Variants in SRSF5 observed in about 807,000 individuals in gnomAD.
SRSF5 encodes the protein serine and arginine rich splicing factor 5, also known as serine/arginine-rich splicing factor 5.
Under a neutral mutation model 34.0 loss-of-function variants are expected in SRSF5, and 5 were observed. The ratio of observed to expected loss-of-function variants is 0.15; its 90% CI spans 0.08 to 0.31. The LOEUF (loss-of-function observed/expected upper bound fraction) is 0.31, where lower values mean the gene tolerates loss of function less well. SRSF5 is among the 10% of genes least tolerant of loss of function. The pLI is 1.00. For synonymous variants in SRSF5, 164 were observed against 117.7 expected (o/e 1.39, Z -2.55); for missense variants, 223 against 351.4 (o/e 0.63, Z 2.92).
rs181963146 is a variant in SRSF5 at position 69,768,599 on chromosome 14, T to C, written c.127-5T>C. On this transcript the variant is annotated splice_polypyrimidine_tract_variant and splice_region_variant and intron_variant, in intron 2 of 7. Transcript: ENST00000557154. ...AATGTTAAGAGTCTTATGCTTACATTTTAGGAATTTGAGGATCCAAGGGAT... is the reference window on the plus strand; with the variant it reads ...AATGTTAAGAGTCTTATGCTTACATCTTAGGAATTTGAGGATCCAAGGGAT... 6.2e-7 allele frequency: 1 copy of C among 1,613,918 alleles called. No homozygotes were observed. The highest frequency in any genetic ancestry group is 1.3e-5 in the African/African-American group (1 of 74,930).
chr14:69,769,794 A>C, intron 5 of SRSF5: 1 of 1,352,436 alleles, frequency 7.4e-7, no homozygotes, highest in Non-Finnish European at 9.5e-7. Context: ...AAAGAGTTGA[A>C]AGATACGAAA....
intron 4 of SRSF5, 100 bp downstream of exon 4, chr14:69,768,996 A>G (rs910174139): frequency 2.2e-6 from 3 of 1,362,968 alleles, no homozygotes; most frequent in Non-Finnish European, 3.1e-6. Context: ...CTGCCGTATA[A>G]TCTGTTCTTC....
chr14:69,767,594 A>AC (rs1020969777), intron 1 of SRSF5: 8 of 454,044 alleles, frequency 1.8e-5, no homozygotes, highest in African/African-American at 1.4e-4. Context: ...GGCCGCAGTG[A>AC]CCCCCGAGAA....
In SRSF5 at chr14:69,771,598, C is replaced by CT; in HGVS notation, c.*138dup. On this transcript the variant is annotated 3_prime_UTR_variant, in exon 8 of 8. Coordinates refer to ENST00000557154, the MANE Select transcript of SRSF5 (RefSeq NM_001320214.2). ...GATTTGGAAGGGGGGTTGGGTTGGG[C>CT]TGGATATCTTTGTAGATGTGGACCA... 4 of 989,656 alleles carry CT rather than the reference C, an allele frequency of 4.0e-6. No individual in the cohort carries two copies. The East Asian group carries it at 1.1e-4, about 27-fold the overall frequency. The allele number at this position is 989,656 out of a possible 1,614,324, so 61.3% of individuals were successfully genotyped here. A position where few individuals can be genotyped will look rare whatever the true frequency, so the allele number is the denominator to read the frequency against.
Position 69,770,485 on chromosome 14 carries a change from A to C in SRSF5, c.385A>C (p.Arg129=), listed in dbSNP as rs750997505. 1.9e-6 allele frequency: 3 copies of C among 1,614,102 alleles called. No individual in the cohort carries two copies. Among genetic ancestry groups the C allele is most frequent in the East Asian group, 2.2e-5 (1 of 44,866 alleles). ...TGTTAAGGATCTCAAAGATTTCATG[A>C]GACAAGCTGGGGAAGTAACGTTTGC... ...VSWQDLKDFM[R]QAGEVTFADA... is the part of the protein sequence containing the mutation. The change falls in exon 6 of 8, where the codon AGA becomes CGA. Residue 129 remains arginine (R), a synonymous_variant. Coordinates refer to ENST00000557154, the MANE Select transcript of SRSF5 (RefSeq NM_001320214.2).
chr14:69,767,496 CTT>C (rs1165642733), intron 1 of SRSF5: 1 of 456,016 alleles, frequency 2.2e-6, no homozygotes, highest in Admixed American at 2.3e-5. Context: ...CCCTGCCAGT[CTT>C]AATGTCTTCA....
chr14:69,767,694 A>AGCGC (rs1427901694), intron 1 of SRSF5: 13 of 364,568 alleles, frequency 3.6e-5, no homozygotes, highest in African/African-American at 2.6e-4. Context: ...GTGGCCGCAG[A>AGCGC]GCGCCCGCCC....
chr14:69,767,549 CTT>C, intron 1 of SRSF5: 3 of 456,014 alleles, frequency 6.6e-6, no homozygotes, highest in Non-Finnish European at 8.8e-6. Context: ...ATCTCCCTGA[CTT>C]TGCTGGCGAT....
rs1189261500 is a variant in SRSF5 at position 69,769,382 on chromosome 14, TTTAA to T, written c.366+136_366+139del. The T allele has an allele frequency of 1.7e-5, 26 of 1,500,852 alleles. 1 individual carries two copies. Among genetic ancestry groups the T allele is most frequent in the Admixed American group, 1.6e-4 (7 of 44,820 alleles). 93.0% of individuals were successfully genotyped at this position (1,500,852 alleles called of 1,614,324 possible). A position where few individuals can be genotyped will look rare whatever the true frequency, so the allele number is the denominator to read the frequency against. ...TTTAATGGAATTGTAATTTTAAACA[TTTAA>T]TTAAATGTAATTTGGGGGATATTTT... On this transcript the variant is annotated intron_variant, in intron 5 of 7. Transcript: ENST00000557154.
At position 69,771,283 on chromosome 14, in the gene SRSF5, G is replaced by T. The variant is rs981843005; in HGVS notation, c.641G>T (p.Arg214Leu). The change falls in exon 8 of 8, where the codon CGG becomes CTG. Residue 214 changes from arginine (R) to leucine (L), a missense_variant. Physicochemically the swap from Arg to Leu is moderately radical, Grantham distance 102. Transcript: ENST00000557154. Reference sequence around the variant, plus strand: ...TCCCGTAGTCGCAAATCTTACAGCCGGTCAAGAAGCAGGAGCAGGAGCCGG... The same window carrying T: ...TCCCGTAGTCGCAAATCTTACAGCCTGTCAAGAAGCAGGAGCAGGAGCCGG... ...SRSRSRKSYS[R>L]SRSRSRSRSR... The T allele has an allele frequency of 6.2e-7, 1 of 1,614,074 alleles. No individual in the cohort carries two copies.
chr14:69,769,092 G>C (rs769215642), intron 4 of SRSF5, 90 bp from the exon 5 acceptor site: 1 of 1,473,506 alleles, frequency 6.8e-7, no homozygotes, highest in Non-Finnish European at 9.5e-7. Flanking sequence ...AGAATGGCTT[G>C]TGATATCTGA....
rs373582502 is a variant in SRSF5, at chr14:69,768,841, G to A, written c.241G>A (p.Gly81Ser). Reference sequence around the variant, plus strand: ...TAGGGCTCGGTCACGAGGTGGAAGAGGTAGAGGACGATACTCTGACCGTTT... The same window carrying A: ...TAGGGCTCGGTCACGAGGTGGAAGAAGTAGAGGACGATACTCTGACCGTTT... ...HARARSRGGR[G>S]RGRYSDRFSS... The change falls in exon 4 of 8, where the codon GGT becomes AGT. Residue 81 changes from glycine (G) to serine (S), a missense_variant. By Grantham distance (56) the Gly-to-Ser change is moderately conservative. This residue lies in a region of SRSF5 where 44 missense variants were observed against 44.3 expected (regional missense o/e 0.99). Transcript: ENST00000557154. 5.0e-6 allele frequency: 8 copies of A among 1,614,226 alleles called. No individual in the cohort carries two copies. Among genetic ancestry groups the A allele is most frequent in the Admixed American group, 1.7e-5 (1 of 60,032 alleles).
intron 5 of SRSF5, 84 bp from the exon 6 acceptor site, chr14:69,770,383 A>G (rs1566627868): frequency 6.4e-7 from 1 of 1,550,564 alleles, no homozygotes; most frequent in Non-Finnish European, 8.7e-7. Flanking sequence ...CTTCTCTTTC[A>G]GTAGTCTTGT....
rs1883228818 is a variant in SRSF5 at position 69,771,684 on chromosome 14, T to A, written c.*223T>A. On this transcript the variant is annotated 3_prime_UTR_variant, in exon 8 of 8. Transcript: ENST00000557154. ...CTTTTGATAAGCCTTCTGCTCACAT[T>A]TTTGTGAATGTCTGAAGTATATAGT... The A allele has an allele frequency of 1.8e-6, 1 of 553,382 alleles. No homozygotes were observed. The highest frequency in any genetic ancestry group is 3.1e-6 in the Non-Finnish European group (1 of 318,460). The allele number at this position is 553,382 out of a possible 1,614,324, so 34.3% of individuals were successfully genotyped here.
rs563796595 is a variant in SRSF5 at position 69,771,657 on chromosome 14, G to T, written c.*196G>T. The stretch of plus-strand genomic sequence containing the variant: ...TTGTTGAAAACTAATTGTATTAAAT[G>T]TCTTTTGATAAGCCTTCTGCTCACA... On this transcript the variant is annotated 3_prime_UTR_variant, in exon 8 of 8. Transcript: ENST00000557154. 7.9e-6 allele frequency: 5 copies of T among 629,100 alleles called. No homozygotes were observed. The East Asian group carries it at 1.4e-4, about 18-fold the overall frequency. The allele number at this position is 629,100 out of a possible 1,614,324, so 39.0% of individuals were successfully genotyped here. A position where few individuals can be genotyped will look rare whatever the true frequency, so the allele number is the denominator to read the frequency against.
rs542225064 is a variant in SRSF5, at chr14:69,767,264, C to G, written c.-20+9C>G. On this transcript the variant is annotated intron_variant, in intron 1 of 7. Coordinates refer to ENST00000557154, the MANE Select transcript of SRSF5 (RefSeq NM_001320214.2). ...AAGACCCCGTCCGGTAGGTGAGTGG[C>G]TCACTTTGAGGGCAAGCCTTCTCGG... is the stretch of plus-strand genomic sequence containing the variant. 10 of 391,878 alleles carry G rather than the reference C, an allele frequency of 2.6e-5. No homozygotes were observed. The highest frequency in any genetic ancestry group is 1.3e-4 in the South Asian group (7 of 54,072). 24.3% of individuals were successfully genotyped at this position (391,878 alleles called of 1,614,324 possible). A position where few individuals can be genotyped will look rare whatever the true frequency, so the allele number is the denominator to read the frequency against.
Position 69,768,185 on chromosome 14 carries a change from G to A in SRSF5, c.29G>A (p.Arg10Lys), listed in dbSNP as rs1882768719. The change falls in exon 2 of 8, where the codon AGA (arginine) becomes AAA (lysine). Residue 10 changes from arginine to lysine, a missense_variant. Physicochemically the swap from Arg to Lys is conservative, Grantham distance 26. Coordinates refer to ENST00000557154, the MANE Select transcript of SRSF5 (RefSeq NM_001320214.2). MSGCRVFIG[R>K]LNPAAREKDV... ...AGTGGCTGTCGGGTATTCATCGGGA[G>A]ACTAAATCCAGCGGCCAGGGAGAAG... is the stretch of plus-strand genomic sequence containing the variant. 6.2e-7 allele frequency: 1 copy of A among 1,614,080 alleles called. No individual in the cohort carries two copies. Among genetic ancestry groups the A allele is most frequent in the African/African-American group, 1.3e-5 (1 of 74,924 alleles).
chr14:69,767,184 G>C lies in SRSF5; in HGVS notation c.-91G>C, dbSNP rs139860495. On this transcript the variant is annotated 5_prime_UTR_variant, in exon 1 of 8. Coordinates refer to ENST00000557154, the MANE Select transcript of SRSF5 (RefSeq NM_001320214.2). ...GTAGACGAGTTAAGTCCTGGTCTGC[G>C]TGGAGGTCGACGACTCCGTCGCAGA... is the stretch of plus-strand genomic sequence containing the variant. 2.8e-6 allele frequency: 1 copy of C among 356,212 alleles called. No homozygotes were observed. Among genetic ancestry groups the C allele is most frequent in the African/African-American group, 2.1e-5 (1 of 46,784 alleles). 22.1% of individuals were successfully genotyped at this position (356,212 alleles called of 1,614,324 possible).
At chr14:69,767,603 A>T (rs762196925) in intron 1 of SRSF5, 1 of 452,832 alleles carries the variant, frequency 2.2e-6, no homozygotes, top group South Asian at 1.6e-5. Context: ...GACCCCCGAG[A>T]AGGGGGTTGC....
Sources: allele counts gnomAD v4.1 joint callset, GRCh38; gene constraint gnomAD v4.1.1; regional missense constraint gnomAD v4.1.1; transcripts MANE v1.5; gene names NCBI Gene and HGNC (gene_info 2026-07-23, HGNC 2026-07-21).